The following SAFB variants were observed in gnomAD, a reference collection of about 807,000 sequenced individuals.
The protein encoded by SAFB is scaffold attachment factor B1.
SAFB carries 15 observed loss-of-function variants against 101.6 expected under a neutral mutation model. That is an observed-to-expected ratio of 0.15 (90% CI 0.10 to 0.23). SAFB has a LOEUF of 0.23. SAFB is among the 10% of genes least tolerant of loss of function. The probability of loss-of-function intolerance (pLI) is 1.00; values close to 1 mark genes in which losing one functional copy is unlikely to be tolerated. For missense variants in SAFB, 930 were observed against 1,104.1 expected (o/e 0.84, Z 2.23); for synonymous variants, 449 against 407.5 (o/e 1.10, Z -1.23).
intron 15 of SAFB, among the ~76,000 whole-genome samples, chr19:5,662,324 C>T (rs1318557959): frequency 1.3e-5 from 2 of 152,016 alleles, no homozygotes; most frequent in East Asian, 2.0e-4. Flanking sequence ...ATGGCAGAAC[C>T]CCGTCTCTAC....
Position 5,667,807 on chromosome 19 carries a change from G to A in SAFB, c.2558-13G>A, listed in dbSNP as rs377098368. ...GCGCAAGTTCCCTGTGTGAAAGCAC[G>A]TCTGTCTTCCAGGTGGCGAGAGAAG... On this transcript the variant is annotated splice_polypyrimidine_tract_variant and intron_variant, in intron 19 of 20. Transcript: ENST00000588852. The surrounding 1 kb of genome is among the most constrained non-coding windows in gnomAD (Gnocchi z 4.0). The A allele has an allele frequency of 1.7e-5, 27 of 1,613,878 alleles. No individual in the cohort carries two copies. The highest frequency in any genetic ancestry group is 9.3e-5 in the African/African-American group (7 of 74,948).
At chr19:5,648,385 A>G in intron 6 of SAFB, 1 of 325,520 alleles carries the variant, frequency 3.1e-6, no homozygotes, top group Non-Finnish European at 5.6e-6. Flanking sequence ...AGATCTTGTG[A>G]TATTGGGCAG....
At chr19:5,628,884 C>G (rs1290806413) in intron 2 of SAFB, among the ~76,000 whole-genome samples, 1 of 151,938 alleles carries the variant, frequency 6.6e-6, no homozygotes, top group African/African-American at 2.4e-5. Context: ...TTTTTGTTTT[C>G]CTTTTTCTTC....
intron 16 of SAFB, 92 bp downstream of exon 16, chr19:5,664,251 C>G (rs548045272): frequency 8.2e-6 from 12 of 1,470,452 alleles, no homozygotes; most frequent in Non-Finnish European, 1.0e-5. Flanking sequence ...GAACCCACTC[C>G]GTTCATCAGA....
rs980616675 is a variant in SAFB, at chr19:5,664,563, G to T, written c.2334+124G>T. The T allele has an allele frequency of 1.0e-5, 8 of 770,094 alleles. No individual in the cohort carries two copies. In the Admixed American group the frequency reaches 1.7e-4, roughly 17 times the overall value. 47.7% of individuals were successfully genotyped at this position (770,094 alleles called of 1,614,324 possible). A position where few individuals can be genotyped will look rare whatever the true frequency, so the allele number is the denominator to read the frequency against. ...CAAAATGAGGAAAGAGAAAAGTAAA[G>T]CACTAGAAAAGTCTAGGTTTGTGGA... On this transcript the variant is annotated intron_variant, in intron 17 of 20. Transcript: ENST00000588852.
At chr19:5,648,490 A>G (rs1326899265) in intron 6 of SAFB, 4 of 277,726 alleles carry the variant, frequency 1.4e-5, no homozygotes, top group Non-Finnish European at 2.8e-5. Context: ...GGATTCCAGA[A>G]GAGGAAAGAG....
rs375978781 is a variant in SAFB at position 5,668,085 on chromosome 19, CAG to C, written c.2625-76_2625-75del. The stretch of plus-strand genomic sequence containing the variant: ...AGGGGCCCTGCCTGCAGGCAACACT[CAG>C]GGAAGCTGTGCAGGCTGGGATGGGC... On this transcript the variant is annotated intron_variant, in intron 20 of 20. Coordinates refer to ENST00000588852, the MANE Select transcript of SAFB (RefSeq NM_001201338.2). The C allele has an allele frequency of 8.2e-3, 12,803 of 1,554,236 alleles. 73 individuals are homozygous for C. Among genetic ancestry groups the C allele is most frequent in the South Asian group, 0.02 (1,664 of 83,932 alleles).
At chr19:5,661,885 ATT>A (rs35301279) in intron 15 of SAFB, 77 bp downstream of exon 15, 23,094 of 812,312 alleles carry the variant, frequency 0.028, no homozygotes, top group Middle Eastern at 0.048. Flanking sequence ...TTAGCTTGAG[ATT>A]TTTTTTTTTT....
At chr19:5,646,238 C>G (rs2053825902) in intron 5 of SAFB, among the ~76,000 whole-genome samples, 1 of 152,100 alleles carries the variant, frequency 6.6e-6, no homozygotes, top group South Asian at 2.1e-4. Flanking sequence ...TAGAAATCCC[C>G]TTTTGGAAAA....
At chr19:5,629,984 T>C (rs2053453927) in intron 2 of SAFB, among the ~76,000 whole-genome samples, 1 of 152,114 alleles carries the variant, frequency 6.6e-6, no homozygotes, top group Non-Finnish European at 1.5e-5. Context: ...TGAGGTTGCA[T>C]TGAGCCAAGA....
intron 16 of SAFB, 34 bp downstream of exon 16, chr19:5,664,193 C>T (rs375696770): frequency 1.2e-4 from 189 of 1,607,302 alleles, no homozygotes; most frequent in African/African-American, 1.6e-4. Context: ...TGCGGGTTTT[C>T]TTTTTCCTGG....
At chr19:5,661,464 T>C (rs1236363379) in intron 14 of SAFB, 54 bp from the exon 15 acceptor site, 1 of 1,598,178 alleles carries the variant, frequency 6.3e-7, no homozygotes, top group South Asian at 1.1e-5. Flanking sequence ...AAGTCAGCCC[T>C]GGGACCTGGC....
Position 5,668,045 on chromosome 19 carries a change from G to A in SAFB, c.2625-117G>A. 2.0e-6 allele frequency: 3 copies of A among 1,470,764 alleles called. No homozygotes were observed. The South Asian group carries it at 3.9e-5, about 19-fold the overall frequency. The allele number at this position is 1,470,764 out of a possible 1,614,324, so 91.1% of individuals were successfully genotyped here. A position where few individuals can be genotyped will look rare whatever the true frequency, so the allele number is the denominator to read the frequency against. On this transcript the variant is annotated intron_variant, in intron 20 of 20. Transcript: ENST00000588852. ...TGTGGAGGCTGCTGCCACTCAGGAGGGGAGGGCATTAGGAAGGGGCCCTGC... is the reference window on the plus strand; with the variant it reads ...TGTGGAGGCTGCTGCCACTCAGGAGAGGAGGGCATTAGGAAGGGGCCCTGC...
rs960119783 is a variant in SAFB, at chr19:5,633,768, G to A, written c.274+7279G>A. On this transcript the variant is annotated intron_variant, in intron 2 of 20. Coordinates refer to ENST00000588852, the MANE Select transcript of SAFB (RefSeq NM_001201338.2). ...CACTCCAGCCTGGGCGACAGAGCGA[G>A]ACTCCGTCTCAAAAAAAAAAAAAGA... 6.6e-5 allele frequency among the ~76,000 whole-genome samples: 10 copies of A among 150,742 alleles called. No individual in the cohort carries two copies. In the East Asian group the frequency reaches 9.7e-4, roughly 15 times the overall value.
intron 2 of SAFB, among the ~76,000 whole-genome samples, chr19:5,634,751 G>A (rs1475230789): frequency 6.6e-6 from 1 of 152,128 alleles, no homozygotes; most frequent in South Asian, 2.1e-4. Context: ...AAAAGCAGAT[G>A]TGGCCTAGAG....
intron 2 of SAFB, among the ~76,000 whole-genome samples, chr19:5,626,935 T>G (rs1432902088): frequency 6.6e-6 from 1 of 151,880 alleles, no homozygotes; most frequent in African/African-American, 2.4e-5. Context: ...TCCCAGCTGC[T>G]TGGGAGGCTG....
chr19:5,641,678 T>G lies in SAFB; in HGVS notation c.339+20T>G, dbSNP rs1165651161. 1 of 1,613,074 alleles carries G rather than the reference T, an allele frequency of 6.2e-7. No homozygotes were observed. The stretch of plus-strand genomic sequence containing the variant: ...GGACAGGTATGTGCAGCCTTGCGAG[T>G]GAGTAGCGTGGTGGATGGACCAGTG... On this transcript the variant is annotated intron_variant, in intron 3 of 20. Coordinates refer to ENST00000588852, the MANE Select transcript of SAFB (RefSeq NM_001201338.2).
chr19:5,641,077 C>G (rs1313179783), intron 2 of SAFB, among the ~76,000 whole-genome samples: 2 of 152,058 alleles, frequency 1.3e-5, no homozygotes, highest in East Asian at 3.9e-4. Flanking sequence ...ACCATGTTTT[C>G]CAGGCTGGTC....
chr19:5,656,539 G>T (rs899782691), intron 13 of SAFB, among the ~76,000 whole-genome samples: 3 of 150,238 alleles, frequency 2.0e-5, no homozygotes, highest in South Asian at 2.1e-4. Context: ...GCCTCCCAAA[G>T]TGGTAGGATT....
Sources: gnomAD v4.1 joint callset for allele counts (sites outside exome capture counted in the v4.1 genomes callset) on GRCh38, gnomAD v4.1.1 for gene constraint, Gnocchi (gnomAD v3.1) non-coding constraint, MANE v1.5 for transcripts, NCBI Gene and HGNC (gene_info 2026-07-23, HGNC 2026-07-21) for gene names.